The following PCDHA9 variants were observed in gnomAD, a reference collection of about 807,000 sequenced individuals.
The protein encoded by PCDHA9 is protocadherin alpha-9.
A neutral mutation model predicts 62.0 loss-of-function variants in PCDHA9; 62 were observed. That is an observed-to-expected ratio of 1.00 (90% CI 0.81 to 1.23). The LOEUF (loss-of-function observed/expected upper bound fraction) is 1.23. Ranked by LOEUF, PCDHA9 falls within the 50% of genes most tolerant of loss-of-function variation. The pLI is 0.00. For synonymous variants in PCDHA9, 557 were observed against 567.6 expected (o/e 0.98, Z 0.27); for missense variants, 1,205 against 1,249.8 (o/e 0.96, Z 0.54).
intron 1 of PCDHA9, chr5:140,870,203 T>C (rs782746068): frequency 5.0e-6 from 8 of 1,613,986 alleles, no homozygotes; most frequent in Non-Finnish European, 5.1e-6. Flanking sequence ...CCCAGCACGG[T>C]CATTGCCCTG....
At chr5:140,981,001 C>A (rs2096914160) in intron 2 of PCDHA9, among the ~76,000 whole-genome samples, 1 of 151,906 alleles carries the variant, frequency 6.6e-6, no homozygotes, top group Non-Finnish European at 1.5e-5. Flanking sequence ...CTAGTAGGAT[C>A]CAGGAACACT....
intron 1 of PCDHA9, among the ~76,000 whole-genome samples, chr5:140,950,973 T>C (rs1381300164): frequency 3.3e-5 from 5 of 152,244 alleles, no homozygotes; most frequent in Middle Eastern, 3.4e-3. Flanking sequence ...TTCAGATTCA[T>C]TGACTTTTGC....
At chr5:140,869,932 G>A (rs1291685236) in intron 1 of PCDHA9, 45 of 1,611,630 alleles carry the variant, frequency 2.8e-5, no homozygotes, top group Non-Finnish European at 3.5e-5. Context: ...CAATGGAGAG[G>A]TAACATACTC....
intron 1 of PCDHA9, chr5:140,967,813 C>T (rs12153295): frequency 0.14 from 229,585 of 1,614,060 alleles, 17,281 homozygotes; most frequent in Middle Eastern, 0.18. Context: ...CAGGTCACTG[C>T]AAGGTGCTGG....
chr5:140,927,427 G>C, intron 1 of PCDHA9: 2 of 1,614,114 alleles, frequency 1.2e-6, no homozygotes, highest in African/African-American at 1.3e-5. Flanking sequence ...GCGGGTTGAC[G>C]GCAGCGAATA....
chr5:140,949,335 C>T (rs1388078558), intron 1 of PCDHA9, among the ~76,000 whole-genome samples: 1 of 151,586 alleles, frequency 6.6e-6, no homozygotes, highest in Non-Finnish European at 1.5e-5. Flanking sequence ...TATTGTTATC[C>T]AGATTTTCTG....
At position 140,851,650 on chromosome 5, in the gene PCDHA9, G is replaced by C. The variant is rs1324719591; in HGVS notation, c.2394+761G>C. The C allele has an allele frequency of 4.4e-6, 4 of 912,450 alleles. No homozygotes were observed. The African/African-American group carries it at 7.2e-5, about 16-fold the overall frequency. 56.5% of individuals were successfully genotyped at this position (912,450 alleles called of 1,614,324 possible). ...AACAAGTGTTTCCTTTCTTCAAGAA[G>C]ACATTCTCCTTTTAATTGAAATTTT... On this transcript the variant is annotated intron_variant, in intron 1 of 3. Transcript: ENST00000532602.
At chr5:140,861,527 G>A (rs1554154863) in intron 1 of PCDHA9, 2 of 454,914 alleles carry the variant, frequency 4.4e-6, no homozygotes. Flanking sequence ...GGAGGATCTC[G>A]GAGTGCAGCA....
At chr5:140,918,667 G>A (rs2078804677) in intron 1 of PCDHA9, among the ~76,000 whole-genome samples, 1 of 152,172 alleles carries the variant, frequency 6.6e-6, no homozygotes, top group African/African-American at 2.4e-5. Flanking sequence ...TTGATGGTAT[G>A]AAGAGGTGAG....
At chr5:140,883,773 G>C (rs1362933627) in intron 1 of PCDHA9, 11 of 1,612,372 alleles carry the variant, frequency 6.8e-6, no homozygotes, top group Non-Finnish European at 9.3e-6. Context: ...GTGGGCGAGC[G>C]TGCGCTGTCG....
At position 140,928,347 on chromosome 5, in the gene PCDHA9, G is replaced by A. The variant is rs139222568; in HGVS notation, c.2395-50602G>A. 5 of 1,614,148 alleles carry A rather than the reference G, an allele frequency of 3.1e-6. No homozygotes were observed. The African/African-American group carries it at 5.3e-5, about 17-fold the overall frequency. On this transcript the variant is annotated intron_variant, in intron 1 of 3. Coordinates refer to ENST00000532602, the MANE Select transcript of PCDHA9 (RefSeq NM_031857.2). ...ATGGCCTTGTCTCTTATGAGCTGTT[G>A]GATGTTATCTCTGAAGGGCCATCAG...
Position 140,850,525 on chromosome 5 carries a change from A to G in PCDHA9, c.2030A>G (p.Lys677Arg), listed in dbSNP as rs2041657187. Reference sequence around the variant, plus strand: ...CTGGTGGAGAGCGGCCAGGCGCCAAAGTCATCGTCGCGGGCGTCAGTGGGT... The same window carrying G: ...CTGGTGGAGAGCGGCCAGGCGCCAAGGTCATCGTCGCGGGCGTCAGTGGGT... ...VSLVESGQAPKSSSRASVGAT... is the reference protein window; with the variant it reads ...VSLVESGQAPRSSSRASVGAT... Residue 677 changes from lysine (K) to arginine (R), a missense_variant, in exon 1 of 4, where the codon AAG becomes AGG. Lys to Arg is a conservative substitution (Grantham distance 26). Transcript: ENST00000532602. 5.6e-6 allele frequency: 9 copies of G among 1,598,066 alleles called. 2 individuals are homozygous for G. Among genetic ancestry groups the G allele is most frequent in the African/African-American group, 1.3e-5 (1 of 74,316 alleles).
chr5:140,928,109 A>G (rs1472439079), intron 1 of PCDHA9: 1 of 1,614,104 alleles, frequency 6.2e-7, no homozygotes, highest in Middle Eastern at 1.6e-4. Flanking sequence ...CTGGACCGGG[A>G]GCAGATCAGT....
rs1298083559 is a variant in PCDHA9, at chr5:140,858,734, T to C, written c.2394+7845T>C. ...ATAGGTTGCAGTTCTGACGATTTAC[T>C]TTCATAATCACTTTTCGTTACAAAT... On this transcript the variant is annotated intron_variant, in intron 1 of 3. Coordinates refer to ENST00000532602, the MANE Select transcript of PCDHA9 (RefSeq NM_031857.2). The C allele has an allele frequency of 1.7e-5, 8 of 476,746 alleles. 1 individual carries two copies. Among genetic ancestry groups the C allele is most frequent in the East Asian group, 3.2e-5 (1 of 30,834 alleles). 29.5% of individuals were successfully genotyped at this position (476,746 alleles called of 1,614,324 possible).
rs1554149344 is a variant in PCDHA9, at chr5:140,856,961, G to C, written c.2394+6072G>C. 5.0e-6 allele frequency: 8 copies of C among 1,590,776 alleles called. 2 individuals carry two copies. The highest frequency in any genetic ancestry group is 3.4e-5 in the Admixed American group (2 of 59,226). ...AAGGACGGGAGAAATAAAAGTAAATGATGCTATTGACTTTGAGGACAGTAA... is the reference window on the plus strand; with the variant it reads ...AAGGACGGGAGAAATAAAAGTAAATCATGCTATTGACTTTGAGGACAGTAA... On this transcript the variant is annotated intron_variant, in intron 1 of 3. Transcript: ENST00000532602.
intron 1 of PCDHA9, among the ~76,000 whole-genome samples, chr5:140,944,214 G>T (rs72801002): frequency 0.015 from 2,290 of 152,232 alleles, 30 homozygotes; most frequent in Non-Finnish European, 0.021. Context: ...TTTAAAGAGG[G>T]TTTTACTCTG....
rs532145972 is a variant in PCDHA9 at position 140,957,602 on chromosome 5, C to T, written c.2395-21347C>T. On this transcript the variant is annotated intron_variant, in intron 1 of 3. Transcript: ENST00000532602. Reference sequence around the variant, plus strand: ...TTAACAAAGCACTTCCCAGAATAAACACACAGACATATACATGCACACACT... The same window carrying T: ...TTAACAAAGCACTTCCCAGAATAAATACACAGACATATACATGCACACACT... 3.3e-5 allele frequency among the ~76,000 whole-genome samples: 5 copies of T among 152,174 alleles called. No homozygotes were observed. In the East Asian group the frequency reaches 9.6e-4, roughly 29 times the overall value.
At chr5:140,879,813 T>C in intron 1 of PCDHA9, among the ~76,000 whole-genome samples, 1 of 152,346 alleles carries the variant, frequency 6.6e-6, no homozygotes, top group African/African-American at 2.4e-5. Flanking sequence ...CTATTGGCTG[T>C]TGGTGTTCCC....
At chr5:140,919,306 A>T (rs1407810868) in intron 1 of PCDHA9, among the ~76,000 whole-genome samples, 1 of 152,150 alleles carries the variant, frequency 6.6e-6, no homozygotes, top group Non-Finnish European at 1.5e-5. Context: ...TGTACAATAT[A>T]TGTTTTCCCA....
Sources: allele counts gnomAD v4.1 joint callset (sites outside exome capture counted in the v4.1 genomes callset), GRCh38; gene constraint gnomAD v4.1.1; transcripts MANE v1.5; gene names NCBI Gene and HGNC (gene_info 2026-07-23, HGNC 2026-07-21).